Variants in SLC16A8 observed in about 807,000 individuals in gnomAD.
The protein encoded by SLC16A8 is monocarboxylate transporter 3.
A neutral mutation model predicts 22.4 loss-of-function variants in SLC16A8; 20 were observed. The observed-to-expected ratio is 0.89, with a 90% CI of 0.63 to 1.30. The LOEUF is 1.30. Among genes scored for constraint, SLC16A8 ranks in the 50% most tolerant of loss-of-function variants. The probability of loss-of-function intolerance (pLI) is 0.00; values close to 1 mark genes in which losing one functional copy is unlikely to be tolerated. For synonymous variants in SLC16A8, 393 were observed against 358.8 expected, an observed-to-expected ratio of 1.10 and a Z score of -1.08; for missense variants, 817 against 740.3, an observed-to-expected ratio of 1.10 and a Z score of -1.20.
At position 38,082,005 on chromosome 22, in the gene SLC16A8, C is replaced by G. The variant is rs1382246269; in HGVS notation, c.242G>C (p.Arg81Pro). 1 of 1,578,702 alleles carries G rather than the reference C, an allele frequency of 6.3e-7. No homozygotes were observed. Among genetic ancestry groups the G allele is most frequent in the South Asian group, 1.2e-5 (1 of 86,150 alleles). Reference sequence around the variant, plus strand: ...CAGCATCACCGGGCGACAGCCAAAGCGGGTCACGAGGATGCTGGACACGGG... The same window carrying G: ...CAGCATCACCGGGCGACAGCCAAAGGGGGTCACGAGGATGCTGGACACGGG... ...TGPVSSILVT[R>P]FGCRPVMLAG... The change falls in exon 4 of 6, where the codon CGC (arginine) becomes CCC (proline). Residue 81 changes from arginine (R) to proline (P), a missense_variant. Arg to Pro is a moderately radical substitution (Grantham distance 103). Transcript: ENST00000681075.
rs758223086 is a variant in SLC16A8 at position 38,080,978 on chromosome 22, C to CGAAGGCGACGCA, written c.1048_1059dup (p.Cys350_Phe353dup). On this transcript the variant is annotated inframe_insertion, in exon 5 of 6. Coordinates refer to ENST00000681075, the MANE Select transcript of SLC16A8 (RefSeq NM_013356.3). Reference sequence around the variant, plus strand: ...GCGCCCACCATGCCGTAGGAGAGGCCGAAGGCGACGCAGAAGGCGACGAGG... The same window carrying CGAAGGCGACGCA: ...GCGCCCACCATGCCGTAGGAGAGGCCGAAGGCGACGCAGAAGGCGACGCAGAAGGCGACGAGG... 34 of 1,597,648 alleles carry CGAAGGCGACGCA rather than the reference C, an allele frequency of 2.1e-5. No homozygotes were observed. The highest frequency in any genetic ancestry group is 4.5e-5 in the East Asian group (2 of 44,556).
Position 38,078,321 on chromosome 22 carries a change from C to G in SLC16A8, c.*67G>C. 1 of 1,474,748 alleles carries G rather than the reference C, an allele frequency of 6.8e-7. No individual in the cohort carries two copies. Among genetic ancestry groups the G allele is most frequent in the East Asian group, 2.3e-5 (1 of 43,854 alleles). The allele number at this position is 1,474,748 out of a possible 1,614,324, so 91.4% of individuals were successfully genotyped here. A position where few individuals can be genotyped will look rare whatever the true frequency, so the allele number is the denominator to read the frequency against. On this transcript the variant is annotated 3_prime_UTR_variant, in exon 6 of 6. Coordinates refer to ENST00000681075, the MANE Select transcript of SLC16A8 (RefSeq NM_013356.3). ...CACCCCAGACCAGCCTCCCAGCGTACCAGGCTCTCTGAGACAAGAAGCTGT... is the reference window on the plus strand; with the variant it reads ...CACCCCAGACCAGCCTCCCAGCGTAGCAGGCTCTCTGAGACAAGAAGCTGT...
In SLC16A8 at chr22:38,083,054, TCTC is replaced by T. The variant is rs745696559; in HGVS notation, c.-24_-22del. 5.1e-6 allele frequency: 3 copies of T among 590,784 alleles called. No homozygotes were observed. Among genetic ancestry groups the T allele is most frequent in the Non-Finnish European group, 9.0e-6 (3 of 332,774 alleles). The allele number at this position is 590,784 out of a possible 1,614,324, so 36.6% of individuals were successfully genotyped here. A position where few individuals can be genotyped will look rare whatever the true frequency, so the allele number is the denominator to read the frequency against. Reference sequence around the variant, plus strand: ...GTAGGACTCTCACCCCAAGTCTCCTTCTCCTGCAAAGGGCGCTGAAGGACGAGG... The same window carrying T: ...GTAGGACTCTCACCCCAAGTCTCCTTCTGCAAAGGGCGCTGAAGGACGAGG... On this transcript the variant is annotated 5_prime_UTR_variant, in exon 2 of 6. Coordinates refer to ENST00000681075, the MANE Select transcript of SLC16A8 (RefSeq NM_013356.3).
At chr22:38,082,172 G>C (rs529102846) in intron 3 of SLC16A8, 140 bp from the exon 4 acceptor site, 1 of 1,054,402 alleles carries the variant, frequency 9.5e-7, no homozygotes, top group Non-Finnish European at 1.3e-6. Context: ...ACAGGCCAAA[G>C]AGACAGCATC....
rs2085872634 is a variant in SLC16A8 at position 38,078,167 on chromosome 22, C to T, written c.*221G>A. ...TTCAGCTGAGCTTTATCACCAGTTT[C>T]CTGTTGCTCCATAGCAGCTTCACTG... On this transcript the variant is annotated 3_prime_UTR_variant, in exon 6 of 6. Transcript: ENST00000681075. 8 of 534,388 alleles carry T rather than the reference C, an allele frequency of 1.5e-5. No individual in the cohort carries two copies. The East Asian group carries it at 2.4e-4, about 16-fold the overall frequency. 33.1% of individuals were successfully genotyped at this position (534,388 alleles called of 1,614,324 possible). A position where few individuals can be genotyped will look rare whatever the true frequency, so the allele number is the denominator to read the frequency against.
chr22:38,080,982 G>C lies in SLC16A8; in HGVS notation c.1056C>G (p.Ala352=), dbSNP rs138209611. The C allele has an allele frequency of 2.0e-3, 3,123 of 1,597,464 alleles. 59 individuals carry two copies. In the East Asian group the frequency reaches 0.029, roughly 15 times the overall value. Residue 352 remains alanine (A), a synonymous_variant, in exon 5 of 6, where the codon GCC becomes GCG. Coordinates refer to ENST00000681075, the MANE Select transcript of SLC16A8 (RefSeq NM_013356.3). ...CCACCATGCCGTAGGAGAGGCCGAA[G>C]GCGACGCAGAAGGCGACGAGGGCGC... ...SYGALVAFCV[A]FGLSYGMVGA...
At chr22:38,080,725 C>A in intron 5 of SLC16A8, 115 bp downstream of exon 5, 1 of 1,363,326 alleles carries the variant, frequency 7.3e-7, no homozygotes, top group African/African-American at 1.5e-5. Context: ...GGGAGTCCAC[C>A]CACCCGACTG....
rs2085946219 is a variant in SLC16A8 at position 38,083,096 on chromosome 22, T to A, written c.-63A>T. 2 of 574,472 alleles carry A rather than the reference T, an allele frequency of 3.5e-6. No homozygotes were observed. The highest frequency in any genetic ancestry group is 6.2e-6 in the Non-Finnish European group (2 of 321,614). 35.6% of individuals were successfully genotyped at this position (574,472 alleles called of 1,614,324 possible). ...TGAAGGACGAGGGGAGGACGACGGG[T>A]CCCACCTGACTCTGCACCTCTGCAG... is the stretch of plus-strand genomic sequence containing the variant. On this transcript the variant is annotated 5_prime_UTR_variant, in exon 2 of 6. Transcript: ENST00000681075.
Position 38,081,884 on chromosome 22 carries a change from C to A in SLC16A8, c.358+5G>T, listed in dbSNP as rs748362758. ...CCAGCGGAGAGGAGACCAGGGGGCCCTCACCTGTGAGCACCCCAGCGGTCA... is the reference window on the plus strand; with the variant it reads ...CCAGCGGAGAGGAGACCAGGGGGCCATCACCTGTGAGCACCCCAGCGGTCA... On this transcript the variant is annotated splice_donor_5th_base_variant and intron_variant, in intron 4 of 5. Coordinates refer to ENST00000681075, the MANE Select transcript of SLC16A8 (RefSeq NM_013356.3). 62 of 1,593,148 alleles carry A rather than the reference C, an allele frequency of 3.9e-5. No individual in the cohort carries two copies. The highest frequency in any genetic ancestry group is 5.1e-5 in the Non-Finnish European group (60 of 1,170,420).
Position 38,081,092 on chromosome 22 carries a change from G to C in SLC16A8, c.946C>G (p.Arg316Gly). 1.3e-6 allele frequency: 2 copies of C among 1,559,300 alleles called. No homozygotes were observed. The highest frequency in any genetic ancestry group is 1.7e-6 in the Non-Finnish European group (2 of 1,155,280). Residue 316 changes from arginine (R) to glycine (G), a missense_variant, in exon 5 of 6, where the codon CGG becomes GGG. Physicochemically the swap from Arg to Gly is moderately radical, Grantham distance 125. Coordinates refer to ENST00000681075, the MANE Select transcript of SLC16A8 (RefSeq NM_013356.3). Reference sequence around the variant, plus strand: ...CTGAACAGATACGGGACGTGCGGCCGCAGACGCGCCAGGCCCGCCAGGGCG... The same window carrying C: ...CTGAACAGATACGGGACGTGCGGCCCCAGACGCGCCAGGCCCGCCAGGGCG... ...CGALAGLARL[R>G]PHVPYLFSLA... is the part of the protein sequence containing the mutation.
intron 2 of SLC16A8, 70 bp downstream of exon 2, chr22:38,082,972 C>T (rs1265551721): frequency 2.4e-6 from 2 of 818,466 alleles, no homozygotes; most frequent in Non-Finnish European, 3.8e-6. Context: ...GAAACTGAGG[C>T]ACAGGGCTAC....
intron 5 of SLC16A8, among the ~76,000 whole-genome samples, chr22:38,080,522 C>G (rs1228198048): frequency 6.6e-6 from 1 of 152,198 alleles, no homozygotes; most frequent in African/African-American, 2.4e-5. Flanking sequence ...TGCGCTAAGG[C>G]TTTGTGCCTC....
chr22:38,081,921 A>T lies in SLC16A8; in HGVS notation c.326T>A (p.Leu109Gln). Residue 109 changes from leucine to glutamine, a missense_variant, in exon 4 of 6, where the codon CTG becomes CAG. By Grantham distance (113) the Leu-to-Gln change is moderately radical. Transcript: ENST00000681075. ...CACCCCAGCGGTCAGGTAGAGCTCCAGGAGGCGCGTGGCAAAGGAAGCTAG... is the reference window on the plus strand; with the variant it reads ...CACCCCAGCGGTCAGGTAGAGCTCCTGGAGGCGCGTGGCAAAGGAAGCTAG... Reference protein sequence around the residue: ...MILASFATRLLELYLTAGVLT... With the variant: ...MILASFATRLQELYLTAGVLT... 6.3e-7 allele frequency: 1 copy of T among 1,584,482 alleles called. No homozygotes were observed. The highest frequency in any genetic ancestry group is 8.6e-7 in the Non-Finnish European group (1 of 1,165,764).
intron 3 of SLC16A8, 63 bp from the exon 4 acceptor site, chr22:38,082,095 G>A (rs141250396): frequency 1.3e-5 from 20 of 1,493,800 alleles, no homozygotes; most frequent in Non-Finnish European, 1.8e-5. Flanking sequence ...AAGGAATAAG[G>A]TCACCTCCGG....
intron 3 of SLC16A8, 60 bp from the exon 4 acceptor site, chr22:38,082,092 A>G (rs1347597218): frequency 6.6e-7 from 1 of 1,505,362 alleles, no homozygotes; most frequent in Non-Finnish European, 8.9e-7. Flanking sequence ...TCTAAGGAAT[A>G]AGGTCACCTC....
chr22:38,082,974 C>T, intron 2 of SLC16A8, 68 bp downstream of exon 2: 1 of 794,302 alleles, frequency 1.3e-6, no homozygotes, highest in Non-Finnish European at 2.0e-6. Flanking sequence ...AACTGAGGCA[C>T]AGGGCTACCC....
chr22:38,082,863 C>A lies in SLC16A8; in HGVS notation c.11G>T (p.Gly4Val). 6.5e-7 allele frequency: 1 copy of A among 1,544,912 alleles called. No individual in the cohort carries two copies. Among genetic ancestry groups the A allele is most frequent in the Non-Finnish European group, 8.7e-7 (1 of 1,149,816 alleles). MGA[G>V]GPRRGEGPPD... ...GGGGCCCTCGCCCCGCCGGGGGCCG[C>A]CAGCGCCCATCGCTGCCTCTGTTGG... Residue 4 changes from glycine to valine, a missense_variant, in exon 3 of 6, where the codon GGC becomes GTC. Physicochemically the swap from Gly to Val is moderately radical, Grantham distance 109. Coordinates refer to ENST00000681075, the MANE Select transcript of SLC16A8 (RefSeq NM_013356.3).
chr22:38,081,980 C>G lies in SLC16A8; in HGVS notation c.267G>C (p.Leu89=), dbSNP rs752817350. 13 of 1,570,094 alleles carry G rather than the reference C, an allele frequency of 8.3e-6. No homozygotes were observed. The highest frequency in any genetic ancestry group is 1.7e-4 in the Middle Eastern group (1 of 6,014). Residue 89 remains leucine, a synonymous_variant, in exon 4 of 6, where the codon CTG becomes CTC. Coordinates refer to ENST00000681075, the MANE Select transcript of SLC16A8 (RefSeq NM_013356.3). ...VTRFGCRPVM[L]AGGLLASAGM... The stretch of plus-strand genomic sequence containing the variant: ...CCGCGGAAGCCAGCAGCCCACCCGC[C>G]AGCATCACCGGGCGACAGCCAAAGC...
chr22:38,078,625 G>C lies in SLC16A8; in HGVS notation c.1278C>G (p.Phe426Leu), dbSNP rs746285383. 1 of 1,613,942 alleles carries C rather than the reference G, an allele frequency of 6.2e-7. No individual in the cohort carries two copies. Among genetic ancestry groups the C allele is most frequent in the African/African-American group, 1.3e-5 (1 of 74,960 alleles). ...AGSEVALAGV[F>L]MAVATNCCLR... is the part of the protein sequence containing the mutation. ...GGCAGCAGTTGGTGGCGACAGCCAT[G>C]AAGACCCCAGCCAGGGCCACCTCAG... Residue 426 changes from phenylalanine to leucine, a missense_variant, in exon 6 of 6, where the codon TTC becomes TTG. Phe to Leu is a conservative substitution (Grantham distance 22). Transcript: ENST00000681075.
Sources: allele counts gnomAD v4.1 joint callset (sites outside exome capture counted in the v4.1 genomes callset), GRCh38; gene constraint gnomAD v4.1.1; transcripts MANE v1.5; gene names NCBI Gene and HGNC (gene_info 2026-07-23, HGNC 2026-07-21).